The following PXDNL variants were observed in gnomAD, a reference collection of about 807,000 sequenced individuals.
PXDNL encodes the protein peroxidasin like.
A neutral mutation model predicts 150.8 loss-of-function variants in PXDNL; 145 were observed. The observed-to-expected ratio is 0.96, with a 90% CI of 0.84 to 1.10. The LOEUF (loss-of-function observed/expected upper bound fraction) is 1.10, where lower values mean the gene tolerates loss of function less well. Ranked by LOEUF, PXDNL falls within the 50% of genes least tolerant of loss-of-function variation. The pLI, the probability that PXDNL is intolerant of heterozygous loss-of-function variation, is 0.00. For missense variants in PXDNL, 2,087 were observed against 1,873.9 expected (o/e 1.11, Z -2.10); for synonymous variants, 757 against 725.7 (o/e 1.04, Z -0.69).
At chr8:51,809,128 G>T in intron 1 of PXDNL, 53 bp downstream of exon 1, 1 of 1,580,380 alleles carries the variant, frequency 6.3e-7, no homozygotes, top group Non-Finnish European at 8.7e-7. Context: ...TCCTAGCAGA[G>T]AAGCAATGAA....
intron 14 of PXDNL, among the ~76,000 whole-genome samples, chr8:51,414,183 T>C (rs553297951): frequency 2.6e-5 from 4 of 151,790 alleles, no homozygotes; most frequent in Non-Finnish European, 4.4e-5. Flanking sequence ...TAAGTCAAGG[T>C]GTTACCACAA....
chr8:51,422,181 A>G (rs1054076134), intron 14 of PXDNL, among the ~76,000 whole-genome samples: 12 of 152,172 alleles, frequency 7.9e-5, no homozygotes, highest in Non-Finnish European at 1.6e-4. Flanking sequence ...CAGAAAAACA[A>G]GGTCAGGGCT....
At chr8:51,608,836 CAAAAAAA>C (rs59195880) in intron 2 of PXDNL, among the ~76,000 whole-genome samples, 3 of 59,596 alleles carry the variant, frequency 5.0e-5, no homozygotes, top group African/African-American at 1.1e-4. Context: ...GACTCTGTCT[CAAAAAAA>C]AAAAAAAAAA....
chr8:51,532,211 TGGCCA>T (rs1443642538), intron 4 of PXDNL, among the ~76,000 whole-genome samples: 2 of 151,878 alleles, frequency 1.3e-5, no homozygotes, highest in Non-Finnish European at 2.9e-5. Flanking sequence ...TGAGAATCAG[TGGCCA>T]GAATTAAGAA....
intron 4 of PXDNL, among the ~76,000 whole-genome samples, chr8:51,510,171 T>C (rs1488696154): frequency 6.6e-6 from 1 of 152,086 alleles, no homozygotes; most frequent in African/African-American, 2.4e-5. Context: ...GAAAGGCACA[T>C]TGGGAAGAGT....
chr8:51,724,017 A>T (rs1816778116), intron 1 of PXDNL, among the ~76,000 whole-genome samples: 2 of 151,338 alleles, frequency 1.3e-5, no homozygotes, highest in African/African-American at 4.9e-5. Context: ...TGGAAGGTGC[A>T]GAAAAGGAAA....
At chr8:51,371,735 G>A in intron 19 of PXDNL, 138 bp downstream of exon 19, 1 of 784,634 alleles carries the variant, frequency 1.3e-6, no homozygotes, top group Non-Finnish European at 2.0e-6. Flanking sequence ...TCATCTGTCA[G>A]ATTTCCAAAA....
chr8:51,664,751 C>T (rs930415580), intron 1 of PXDNL, among the ~76,000 whole-genome samples: 4 of 152,008 alleles, frequency 2.6e-5, no homozygotes, highest in South Asian at 4.2e-4. Flanking sequence ...GAGTGAGATG[C>T]GCTCCCAGGT....
At chr8:51,373,897 GT>G (rs1807213770) in intron 18 of PXDNL, among the ~76,000 whole-genome samples, 1 of 152,148 alleles carries the variant, frequency 6.6e-6, no homozygotes, top group Admixed American at 6.5e-5. Flanking sequence ...GGCTGCTTAG[GT>G]TTGTATTTCT....
At chr8:51,721,918 G>A in intron 1 of PXDNL, 1 of 266,084 alleles carries the variant, frequency 3.8e-6, no homozygotes, top group Admixed American at 3.9e-5. Context: ...AGTGTTCCCA[G>A]AGATACCTGA....
intron 1 of PXDNL, among the ~76,000 whole-genome samples, chr8:51,776,791 A>T (rs939228556): frequency 4.6e-5 from 7 of 152,232 alleles, no homozygotes; most frequent in Admixed American, 3.9e-4. Flanking sequence ...TATTTAAAGT[A>T]GAGCCCCACC....
chr8:51,409,645 A>G (rs1179243251), intron 16 of PXDNL, 84 bp from the exon 17 acceptor site: 16 of 1,165,872 alleles, frequency 1.4e-5, no homozygotes, highest in South Asian at 8.2e-5. Context: ...TGCGGGAACC[A>G]CCTCCCACCC....
At chr8:51,569,903 A>T (rs941587201) in intron 3 of PXDNL, among the ~76,000 whole-genome samples, 2 of 151,918 alleles carry the variant, frequency 1.3e-5, no homozygotes, top group Admixed American at 6.6e-5. Flanking sequence ...AAGAGTTAAA[A>T]TTTTTTCTCA....
At chr8:51,546,903 T>C (rs1045901432) in intron 4 of PXDNL, among the ~76,000 whole-genome samples, 22 of 152,226 alleles carry the variant, frequency 1.4e-4, no homozygotes, top group Non-Finnish European at 2.2e-4. Context: ...AAAACCTGAA[T>C]GAAGCAGCAG....
chr8:51,620,643 A>G (rs1814231910), intron 2 of PXDNL, among the ~76,000 whole-genome samples: 1 of 151,742 alleles, frequency 6.6e-6, no homozygotes, highest in Admixed American at 6.6e-5. Context: ...TCCCAGGTTC[A>G]AGCAATTCTC....
chr8:51,528,145 A>C (rs1317545385), intron 4 of PXDNL, among the ~76,000 whole-genome samples: 1 of 152,350 alleles, frequency 6.6e-6, no homozygotes, highest in South Asian at 2.1e-4. Flanking sequence ...TAAGTTATTT[A>C]TACAATTACC....
At chr8:51,697,558 TG>T (rs1816174743) in intron 1 of PXDNL, among the ~76,000 whole-genome samples, 1 of 152,078 alleles carries the variant, frequency 6.6e-6, no homozygotes, top group Admixed American at 6.5e-5. Flanking sequence ...TCAAACATCT[TG>T]GAGAGTATCT....
chr8:51,334,810 A>C (rs1805791600), intron 21 of PXDNL, among the ~76,000 whole-genome samples: 1 of 152,222 alleles, frequency 6.6e-6, no homozygotes, highest in African/African-American at 2.4e-5. Context: ...AGAAAATCTA[A>C]TATGAGCTTA....
chr8:51,366,776 C>T (rs112247289), intron 19 of PXDNL, among the ~76,000 whole-genome samples: 2,574 of 152,008 alleles, frequency 0.017, 85 homozygotes, highest in African/African-American at 0.059. Flanking sequence ...CAGAGAGGAC[C>T]AAGGGACTGA....
Sources: gnomAD v4.1 joint callset for allele counts (sites outside exome capture counted in the v4.1 genomes callset) on GRCh38, gnomAD v4.1.1 for gene constraint, MANE v1.5 for transcripts, NCBI Gene and HGNC (gene_info 2026-07-23, HGNC 2026-07-21) for gene names.